The following THSD7B variants were observed in gnomAD, a reference collection of about 807,000 sequenced individuals.
The protein encoded by THSD7B is thrombospondin type 1 domain containing 7B.
In THSD7B, 138 loss-of-function variants were observed where a neutral mutation model predicts 213.6. That is an observed-to-expected ratio of 0.65 (90% CI 0.56 to 0.74). The LOEUF (loss-of-function observed/expected upper bound fraction) is 0.74, where lower values mean the gene tolerates loss of function less well. Among genes scored for constraint, THSD7B ranks in the 30% least tolerant of loss-of-function variants. The pLI, the probability that THSD7B is intolerant of heterozygous loss-of-function variation, is 0.00. For missense variants in THSD7B, 1,931 were observed against 1,991.5 expected, an observed-to-expected ratio of 0.97 and a Z score of 0.58; for synonymous variants, 742 against 687.0, an observed-to-expected ratio of 1.08 and a Z score of -1.25.
At chr2:136,789,233 C>T (rs1303601517) in intron 1 of THSD7B, among the ~76,000 whole-genome samples, 1 of 151,618 alleles carries the variant, frequency 6.6e-6, no homozygotes, top group Non-Finnish European at 1.5e-5. Context: ...TGTTTCTGTC[C>T]TTAGCAAAAA....
chr2:137,276,105 ATATT>A, intron 12 of THSD7B, 79 bp downstream of exon 12: 1 of 927,528 alleles, frequency 1.1e-6, no homozygotes, highest in Non-Finnish European at 1.6e-6. Flanking sequence ...GCTTACTTTT[ATATT>A]TGAATGAATT....
At chr2:136,955,757 T>A (rs1685113503) in intron 2 of THSD7B, among the ~76,000 whole-genome samples, 1 of 152,040 alleles carries the variant, frequency 6.6e-6, no homozygotes, top group South Asian at 2.1e-4. Context: ...AACTATATGT[T>A]TTCTCCTGCC....
At chr2:137,649,431 A>G (rs1398981994) in intron 21 of THSD7B, among the ~76,000 whole-genome samples, 1 of 152,142 alleles carries the variant, frequency 6.6e-6, no homozygotes, top group African/African-American at 2.4e-5. Flanking sequence ...TAAGACTTTA[A>G]TACATTTTGA....
At chr2:137,238,832 C>A (rs974195034) in intron 9 of THSD7B, among the ~76,000 whole-genome samples, 1 of 151,724 alleles carries the variant, frequency 6.6e-6, no homozygotes, top group Admixed American at 6.6e-5. Context: ...GGATTACAGG[C>A]GTGAGCCACC....
chr2:137,584,674 T>C (rs903460787), intron 17 of THSD7B, among the ~76,000 whole-genome samples: 10 of 152,166 alleles, frequency 6.6e-5, no homozygotes, highest in Admixed American at 5.9e-4. Context: ...CCTTGCATCC[T>C]AGAGATGAAG....
In THSD7B at chr2:137,516,193, G is replaced by A. The variant is rs141629143; in HGVS notation, c.3139-47028G>A. Reference sequence around the variant, plus strand: ...GCTCTGACATGGGCTAACTAATCACGGTGTTCCTAAAAGTGAAATTTGTAG... The same window carrying A: ...GCTCTGACATGGGCTAACTAATCACAGTGTTCCTAAAAGTGAAATTTGTAG... On this transcript the variant is annotated intron_variant, in intron 15 of 27. Coordinates refer to ENST00000409968, the MANE Select transcript of THSD7B (RefSeq NM_001316349.2). Among the ~76,000 whole-genome samples the A allele has an allele frequency of 4.8e-5, 7 of 144,338 alleles. No individual in the cohort carries two copies. In the East Asian group the frequency reaches 6.3e-4, roughly 13 times the overall value. The allele number at this position is 144,338 out of a possible 152,430, so 94.7% of individuals were successfully genotyped here.
intron 21 of THSD7B, among the ~76,000 whole-genome samples, chr2:137,650,110 T>C (rs2104811767): frequency 6.6e-6 from 1 of 152,292 alleles, no homozygotes; most frequent in East Asian, 1.9e-4. Context: ...TGTTTTTCTA[T>C]GTATGTGAAG....
intron 12 of THSD7B, among the ~76,000 whole-genome samples, chr2:137,349,159 G>A (rs1401977884): frequency 6.6e-6 from 1 of 151,562 alleles, no homozygotes; most frequent in East Asian, 1.9e-4. Flanking sequence ...AGTGAAAATG[G>A]CTGCAGAATC....
chr2:137,362,333 C>A (rs972049403), intron 12 of THSD7B, among the ~76,000 whole-genome samples: 1 of 152,128 alleles, frequency 6.6e-6, no homozygotes, highest in South Asian at 2.1e-4. Context: ...AACTAATGAG[C>A]AAAATAACCA....
chr2:137,542,213 C>T (rs1680623224), intron 15 of THSD7B, among the ~76,000 whole-genome samples: 1 of 151,566 alleles, frequency 6.6e-6, no homozygotes, highest in Non-Finnish European at 1.5e-5. Context: ...ACAGAAGTGA[C>T]TTATTGTAAA....
chr2:137,186,539 T>C (rs1335458477), intron 7 of THSD7B, among the ~76,000 whole-genome samples: 2 of 152,134 alleles, frequency 1.3e-5, no homozygotes, highest in East Asian at 1.9e-4. Flanking sequence ...GGCTTTATTT[T>C]TGAGTTCTCT....
chr2:137,291,639 A>C (rs1370156717), intron 12 of THSD7B, among the ~76,000 whole-genome samples: 1 of 152,174 alleles, frequency 6.6e-6, no homozygotes, highest in Non-Finnish European at 1.5e-5. Flanking sequence ...AGTAATGGAA[A>C]GGGGAACTGT....
chr2:136,919,375 A>G (rs985808098), intron 2 of THSD7B, among the ~76,000 whole-genome samples: 7 of 152,104 alleles, frequency 4.6e-5, no homozygotes, highest in Non-Finnish European at 7.3e-5. Context: ...TCTTGTCTAT[A>G]CCTCACCTTG....
intron 12 of THSD7B, among the ~76,000 whole-genome samples, chr2:137,390,237 G>GT (rs889578446): frequency 2.6e-5 from 4 of 151,908 alleles, no homozygotes; most frequent in Admixed American, 1.3e-4. Flanking sequence ...TTGTTTTATA[G>GT]TTTTTCTTAT....
chr2:136,872,381 T>C (rs537530818), intron 1 of THSD7B, among the ~76,000 whole-genome samples: 1 of 24,566 alleles, frequency 4.1e-5, no homozygotes, highest in South Asian at 1.6e-3. Flanking sequence ...CATACTTTTT[T>C]CGGGGGGGTG....
At chr2:137,117,780 T>C (rs1415459987) in intron 5 of THSD7B, among the ~76,000 whole-genome samples, 1 of 152,192 alleles carries the variant, frequency 6.6e-6, no homozygotes, top group African/African-American at 2.4e-5. Context: ...TGTAACAGAA[T>C]GCATATAATT....
chr2:137,066,189 C>CTTTTT (rs70975797), intron 3 of THSD7B, among the ~76,000 whole-genome samples: 2 of 115,730 alleles, frequency 1.7e-5, no homozygotes, highest in East Asian at 2.7e-4. Flanking sequence ...TGAGTTTTCA[C>CTTTTT]TTTTTTTTTT....
chr2:136,824,422 C>A (rs948765570), intron 1 of THSD7B, among the ~76,000 whole-genome samples: 5 of 151,684 alleles, frequency 3.3e-5, no homozygotes, highest in Admixed American at 6.6e-5. Flanking sequence ...AATATGTTAG[C>A]TAGGAAGCTC....
At chr2:137,222,601 C>G (rs1479055906) in intron 7 of THSD7B, among the ~76,000 whole-genome samples, 2 of 152,250 alleles carry the variant, frequency 1.3e-5, no homozygotes, top group East Asian at 1.9e-4. Context: ...AAGAAACCCT[C>G]CCCCTGTTGA....
Sources: allele counts gnomAD v4.1 joint callset (sites outside exome capture counted in the v4.1 genomes callset), GRCh38; gene constraint gnomAD v4.1.1; transcripts MANE v1.5; gene names NCBI Gene and HGNC (gene_info 2026-07-23, HGNC 2026-07-21).